Variants in NKAIN2 observed in about 807,000 individuals in gnomAD.
NKAIN2 encodes the protein sodium/potassium-transporting ATPase subunit beta-1-interacting protein 2.
In NKAIN2, 14 loss-of-function variants were observed where a neutral mutation model predicts 32.6. The ratio of observed to expected loss-of-function variants is 0.43; its 90% CI spans 0.28 to 0.67. The LOEUF is 0.67. NKAIN2 is among the 30% of genes least tolerant of loss of function. The pLI is 0.17. For synonymous variants in NKAIN2, 80 were observed against 87.2 expected (o/e 0.92, Z 0.46); for missense variants, 198 against 258.3 (o/e 0.77, Z 1.60).
rs73563750 is a variant in NKAIN2 at position 124,255,881 on chromosome 6, A to G, written c.55-27124A>G. On this transcript the variant is annotated intron_variant, in intron 1 of 6. Transcript: ENST00000368417. ...TTTCGTTTATCTACCCAAGTCACAG[A>G]CATTCTGTGGCGCTGGTGTCTTTGG... Among the ~76,000 whole-genome samples the G allele has an allele frequency of 4.9e-3, 740 of 152,306 alleles. 8 individuals are homozygous for G. Among genetic ancestry groups the G allele is most frequent in the African/African-American group, 0.017 (691 of 41,558 alleles).
chr6:123,853,645 G>T (rs1775441106), intron 1 of NKAIN2, among the ~76,000 whole-genome samples: 1 of 151,986 alleles, frequency 6.6e-6, no homozygotes, highest in Non-Finnish European at 1.5e-5. Flanking sequence ...TATTCAGGAG[G>T]AATATTCAGG....
intron 1 of NKAIN2, among the ~76,000 whole-genome samples, chr6:124,017,241 C>T (rs558384135): frequency 6.0e-4 from 92 of 152,114 alleles, no homozygotes; most frequent in Admixed American, 5.4e-3. Context: ...GGGAAAGACC[C>T]GCCCCCGTGA....
At chr6:124,269,449 CTTTCT>C (rs1342423614) in intron 1 of NKAIN2, among the ~76,000 whole-genome samples, 36 of 148,254 alleles carry the variant, frequency 2.4e-4, no homozygotes, top group East Asian at 1.2e-3. Flanking sequence ...TTCTTTCTTT[CTTTCT>C]TTTTTTTTTC....
chr6:123,974,149 A>G (rs189169006), intron 1 of NKAIN2, among the ~76,000 whole-genome samples: 94 of 152,286 alleles, frequency 6.2e-4, no homozygotes, highest in Non-Finnish European at 1.0e-3. Flanking sequence ...AGGAAATTGA[A>G]TAGGTAGGTT....
intron 1 of NKAIN2, among the ~76,000 whole-genome samples, chr6:124,120,794 G>T (rs1785841480): frequency 6.6e-6 from 1 of 152,068 alleles, no homozygotes; most frequent in African/African-American, 2.4e-5. Flanking sequence ...GTATACGTTA[G>T]ATTTATTTTG....
intron 3 of NKAIN2, among the ~76,000 whole-genome samples, chr6:124,567,225 C>A (rs1051367191): frequency 6.6e-6 from 1 of 152,122 alleles, no homozygotes; most frequent in African/African-American, 2.4e-5. Context: ...TTCTACCTAC[C>A]CAGACTGCTT....
At chr6:124,164,788 G>A (rs138323813) in intron 1 of NKAIN2, among the ~76,000 whole-genome samples, 207 of 152,024 alleles carry the variant, frequency 1.4e-3, no homozygotes, top group Non-Finnish European at 2.6e-3. Context: ...CAAGTGGATC[G>A]CCACAAAACC....
intron 4 of NKAIN2, among the ~76,000 whole-genome samples, chr6:124,689,333 A>G (rs1774149077): frequency 6.6e-6 from 1 of 152,032 alleles, no homozygotes; most frequent in South Asian, 2.1e-4. Flanking sequence ...GAGTTTTAAG[A>G]GTTCATTGTG....
At chr6:124,774,738 C>A (rs539564183) in intron 4 of NKAIN2, among the ~76,000 whole-genome samples, 3 of 151,962 alleles carry the variant, frequency 2.0e-5, no homozygotes, top group South Asian at 2.1e-4. Context: ...CACCTGTAAT[C>A]CCAGCTACTT....
intron 3 of NKAIN2, among the ~76,000 whole-genome samples, chr6:124,391,978 T>A (rs1773162569): frequency 6.6e-6 from 1 of 152,164 alleles, no homozygotes; most frequent in South Asian, 2.1e-4. Flanking sequence ...TCTTGTTACT[T>A]GATGCCAAAC....
intron 1 of NKAIN2, among the ~76,000 whole-genome samples, chr6:123,977,869 G>A (rs567785385): frequency 1.4e-4 from 22 of 152,178 alleles, no homozygotes; most frequent in African/African-American, 4.3e-4. Flanking sequence ...ATGAAAGCAC[G>A]TATTCATACA....
chr6:124,406,947 T>C (rs766660235), intron 3 of NKAIN2, among the ~76,000 whole-genome samples: 2 of 152,072 alleles, frequency 1.3e-5, no homozygotes, highest in Non-Finnish European at 1.5e-5. Flanking sequence ...TTATTATGTT[T>C]ATAATTTTAT....
intron 1 of NKAIN2, among the ~76,000 whole-genome samples, chr6:123,945,663 C>T (rs1777030657): frequency 1.3e-5 from 2 of 152,028 alleles, no homozygotes; most frequent in Non-Finnish European, 1.5e-5. Flanking sequence ...TGACTTACTC[C>T]CTTCTCCTTT....
At chr6:123,926,497 A>T (rs1040022631) in intron 1 of NKAIN2, among the ~76,000 whole-genome samples, 1 of 148,056 alleles carries the variant, frequency 6.8e-6, no homozygotes, top group African/African-American at 2.5e-5. Flanking sequence ...CCAGATTCCT[A>T]CTGCAGTGTT....
chr6:124,721,403 C>CA (rs11330814), intron 4 of NKAIN2, among the ~76,000 whole-genome samples: 2,115 of 101,568 alleles, frequency 0.021, 48 homozygotes, highest in African/African-American at 0.058. Context: ...GACTCCGTCT[C>CA]AAAAAAAAAA....
At chr6:124,262,317 A>G (rs1327881352) in intron 1 of NKAIN2, among the ~76,000 whole-genome samples, 1 of 152,166 alleles carries the variant, frequency 6.6e-6, no homozygotes, top group African/African-American at 2.4e-5. Flanking sequence ...AGAGACTTGA[A>G]AACTCATAAT....
intron 1 of NKAIN2, among the ~76,000 whole-genome samples, chr6:123,963,450 A>G (rs933503210): frequency 6.6e-5 from 10 of 152,174 alleles, no homozygotes; most frequent in Non-Finnish European, 1.2e-4. Flanking sequence ...CAGAGAGTTG[A>G]TGTAGTGTAG....
chr6:123,999,418 T>C (rs1004228233), intron 1 of NKAIN2, among the ~76,000 whole-genome samples: 10 of 152,158 alleles, frequency 6.6e-5, no homozygotes, highest in Admixed American at 5.2e-4. Context: ...GAGCTTTCAC[T>C]TGGCCTACTG....
At chr6:124,335,850 G>C (rs1306923732) in intron 2 of NKAIN2, among the ~76,000 whole-genome samples, 1 of 151,914 alleles carries the variant, frequency 6.6e-6, no homozygotes, top group Admixed American at 6.6e-5. Flanking sequence ...CTTGCTGATT[G>C]GTTGGAACAC....
Sources: allele counts gnomAD v4.1 joint callset (sites outside exome capture counted in the v4.1 genomes callset), GRCh38; gene constraint gnomAD v4.1.1; transcripts MANE v1.5; gene names NCBI Gene and HGNC (gene_info 2026-07-23, HGNC 2026-07-21).